Variants in LRRK2 observed in about 807,000 individuals in gnomAD.
LRRK2 encodes the protein leucine rich repeat kinase 2, also known as leucine-rich repeat serine/threonine-protein kinase 2.
In LRRK2, 203 loss-of-function variants were observed where a neutral mutation model predicts 302.6. The observed-to-expected ratio is 0.67, with a 90% CI of 0.60 to 0.75. LRRK2 has a LOEUF of 0.75. Ranked by LOEUF, LRRK2 falls within the 30% of genes least tolerant of loss-of-function variation. The probability of loss-of-function intolerance (pLI) is 0.00; values close to 1 mark genes in which losing one functional copy is unlikely to be tolerated. For missense variants in LRRK2, 2,830 were observed against 2,951.0 expected (o/e 0.96, Z 0.95); for synonymous variants, 1,066 against 1,031.9 (o/e 1.03, Z -0.63).
chr12:40,296,552 A>G (rs1405111629), intron 23 of LRRK2, among the ~76,000 whole-genome samples: 1 of 151,852 alleles, frequency 6.6e-6, no homozygotes, highest in African/African-American at 2.4e-5. Flanking sequence ...GGATTGCCTG[A>G]TCCTGGGAGG....
At chr12:40,228,358 A>G (rs1024466650) in intron 2 of LRRK2, among the ~76,000 whole-genome samples, 3 of 128,868 alleles carry the variant, frequency 2.3e-5, no homozygotes. Flanking sequence ...TTTTTTTTTC[A>G]TGTACCTGTT....
chr12:40,293,876 G>A (rs1333623137), intron 21 of LRRK2, among the ~76,000 whole-genome samples: 2 of 125,520 alleles, frequency 1.6e-5, no homozygotes, highest in African/African-American at 5.7e-5. Context: ...GAGTATGCAG[G>A]GTATGAATTT....
intron 18 of LRRK2, 111 bp from the exon 19 acceptor site, chr12:40,283,764 T>C: frequency 1.1e-6 from 1 of 904,772 alleles, no homozygotes. Flanking sequence ...TTATTTTGTT[T>C]CATTCCAAAT....
intron 39 of LRRK2, among the ~76,000 whole-genome samples, chr12:40,328,783 A>G (rs989780613): frequency 2.0e-5 from 3 of 152,156 alleles, no homozygotes; most frequent in African/African-American, 7.2e-5. Flanking sequence ...GCAGCCAGGC[A>G]TTACCTAGGA....
intron 19 of LRRK2, 56 bp downstream of exon 19, chr12:40,284,189 A>G: frequency 1.4e-6 from 2 of 1,473,258 alleles, no homozygotes; most frequent in Non-Finnish European, 1.9e-6. Context: ...TATTTTTTTA[A>G]GTCACTAGTC....
intron 30 of LRRK2, among the ~76,000 whole-genome samples, chr12:40,310,055 G>T (rs956702178): frequency 3.9e-5 from 6 of 152,114 alleles, no homozygotes; most frequent in African/African-American, 1.4e-4. Flanking sequence ...AGATAAGGAA[G>T]AGAAAATATA....
At chr12:40,323,332 T>A in intron 38 of LRRK2, 26 bp downstream of exon 38, 1 of 1,585,344 alleles carries the variant, frequency 6.3e-7, no homozygotes, top group Non-Finnish European at 8.6e-7. Flanking sequence ...AATTTGAGAA[T>A]AAAAATTAGG....
intron 39 of LRRK2, among the ~76,000 whole-genome samples, chr12:40,332,143 G>T (rs1945729944): frequency 6.6e-6 from 1 of 152,186 alleles, no homozygotes; most frequent in African/African-American, 2.4e-5. Context: ...TTAGGCCTTT[G>T]TTACCAAACT....
intron 14 of LRRK2, among the ~76,000 whole-genome samples, chr12:40,265,426 C>G (rs1942966174): frequency 6.6e-6 from 1 of 152,088 alleles, no homozygotes; most frequent in African/African-American, 2.4e-5. Flanking sequence ...GGAATAGACA[C>G]TTATACCCTG....
intron 11 of LRRK2, among the ~76,000 whole-genome samples, chr12:40,254,415 TGACA>T (rs1942409278): frequency 6.6e-6 from 1 of 152,182 alleles, no homozygotes; most frequent in Non-Finnish European, 1.5e-5. Context: ...GCCAGGGCAC[TGACA>T]GACAGACAGG....
At chr12:40,276,642 G>T (rs919172438) in intron 16 of LRRK2, among the ~76,000 whole-genome samples, 2 of 152,242 alleles carry the variant, frequency 1.3e-5, no homozygotes, top group East Asian at 3.9e-4. Flanking sequence ...CGTACTTTCT[G>T]CACATTTGCA....
Position 40,368,539 on chromosome 12 carries a change from T to C in LRRK2, c.*774T>C, listed in dbSNP as rs1946943138. ...TACCCTGAATTTTGTATAATTAGTG[T>C]AAATACAGTGTTCAGTCCTTCAAGT... On this transcript the variant is annotated 3_prime_UTR_variant, in exon 51 of 51. Transcript: ENST00000298910. The C allele has an allele frequency of 6.6e-6, 1 of 151,912 alleles. No homozygotes were observed. The highest frequency in any genetic ancestry group is 1.5e-5 in the Non-Finnish European group (1 of 67,774). 9.4% of individuals were successfully genotyped at this position (151,912 alleles called of 1,614,324 possible).
Position 40,278,109 on chromosome 12 carries a change from A to C in LRRK2, c.2089A>C (p.Lys697Gln). The C allele has an allele frequency of 1.2e-6, 2 of 1,614,046 alleles. No homozygotes were observed. Among genetic ancestry groups the C allele is most frequent in the Non-Finnish European group, 1.7e-6 (2 of 1,179,990 alleles). ...KDQQFLNLCCKCFAKVAMDDY... is the reference protein window; with the variant it reads ...KDQQFLNLCCQCFAKVAMDDY... ...TTTTTAGTTTCTAAACCTCTGTTGC[A>C]AGTGTTTTGCAAAAGTAGCTATGGA... The change falls in exon 18 of 51, where the codon AAG becomes CAG. Residue 697 changes from lysine (K) to glutamine (Q), a missense_variant. Lys to Gln is a moderately conservative substitution (Grantham distance 53). Transcript: ENST00000298910.
chr12:40,352,708 C>T (rs1317224799), intron 44 of LRRK2, among the ~76,000 whole-genome samples: 2 of 150,248 alleles, frequency 1.3e-5, no homozygotes, highest in African/African-American at 4.9e-5. Flanking sequence ...CAAAGCACAT[C>T]TTGCACCGCC....
intron 42 of LRRK2, among the ~76,000 whole-genome samples, 191 bp downstream of exon 42, chr12:40,347,114 A>T (rs553364678): frequency 2.7e-4 from 41 of 152,308 alleles, no homozygotes; most frequent in Middle Eastern, 3.4e-3. Flanking sequence ...TAGGCTTTTT[A>T]AAAAATCCGC....
intron 40 of LRRK2, among the ~76,000 whole-genome samples, chr12:40,338,643 T>C (rs797005944): frequency 6.6e-5 from 10 of 152,342 alleles, no homozygotes; most frequent in African/African-American, 2.4e-4. Context: ...AATTCTATAA[T>C]TGAACATTTT....
Position 40,298,098 on chromosome 12 carries a change from C to T in LRRK2, c.3097-145C>T, listed in dbSNP as rs1944451032. 6.4e-6 allele frequency: 5 copies of T among 778,412 alleles called. No individual in the cohort carries two copies. The South Asian group carries it at 8.8e-5, about 14-fold the overall frequency. The allele number at this position is 778,412 out of a possible 1,614,324, so 48.2% of individuals were successfully genotyped here. ...AGAGACGATTGGGCCAATTAGTATA[C>T]TGAAATTCTGTTGTGGATTGTGTTT... On this transcript the variant is annotated intron_variant, in intron 23 of 50. Coordinates refer to ENST00000298910, the MANE Select transcript of LRRK2 (RefSeq NM_198578.4).
Position 40,364,809 on chromosome 12 carries a change from G to T in LRRK2, c.7182-33G>T, listed in dbSNP as rs201895308. 1.1e-4 allele frequency: 167 copies of T among 1,494,716 alleles called. No individual in the cohort carries two copies. In the African/African-American group the frequency reaches 2.0e-3, roughly 18 times the overall value. 92.6% of individuals were successfully genotyped at this position (1,494,716 alleles called of 1,614,324 possible). A position where few individuals can be genotyped will look rare whatever the true frequency, so the allele number is the denominator to read the frequency against. ...AATAGCATTTATCTCTTAATTGGTG[G>T]TAAAATTATTAATGTATACTTTATG... On this transcript the variant is annotated intron_variant, in intron 48 of 50. Transcript: ENST00000298910.
intron 47 of LRRK2, among the ~76,000 whole-genome samples, chr12:40,359,763 A>G (rs1190620952): frequency 1.3e-5 from 2 of 152,126 alleles, no homozygotes; most frequent in African/African-American, 2.4e-5. Flanking sequence ...AAATTGGAAG[A>G]CAATCAACTT....
Sources: allele counts gnomAD v4.1 joint callset (sites outside exome capture counted in the v4.1 genomes callset), GRCh38; gene constraint gnomAD v4.1.1; transcripts MANE v1.5; gene names NCBI Gene and HGNC (gene_info 2026-07-23, HGNC 2026-07-21).